Variants in PNKD observed in about 807,000 individuals in gnomAD.
The protein encoded by PNKD is PNKD metallo-beta-lactamase domain containing.
PNKD carries 36 observed loss-of-function variants against 45.3 expected under a neutral mutation model. That is an observed-to-expected ratio of 0.80 (90% CI 0.61 to 1.05). The LOEUF is 1.05. Ranked by LOEUF, PNKD falls within the 50% of genes least tolerant of loss-of-function variation. PNKD has a pLI of 0.00. For missense variants in PNKD, 511 were observed against 506.6 expected (o/e 1.01, Z -0.08); for synonymous variants, 197 against 210.1 (o/e 0.94, Z 0.54).
intron 2 of PNKD, among the ~76,000 whole-genome samples, chr2:218,296,270 C>G (rs1422819631): frequency 6.6e-6 from 1 of 152,150 alleles, no homozygotes; most frequent in Admixed American, 6.5e-5. Flanking sequence ...TTGTATTTTT[C>G]CAGCAACACT....
intron 2 of PNKD, among the ~76,000 whole-genome samples, chr2:218,325,228 G>A (rs374581936): frequency 8.8e-4 from 71 of 80,636 alleles, no homozygotes; most frequent in African/African-American, 2.8e-3. Flanking sequence ...TTTTTGAGAC[G>A]GGCTCTTGCT....
intron 2 of PNKD, among the ~76,000 whole-genome samples, chr2:218,330,428 G>A (rs563237457): frequency 6.6e-5 from 10 of 152,282 alleles, no homozygotes; most frequent in Admixed American, 2.6e-4. Flanking sequence ...TGCCTCCCAC[G>A]GGGCTGGAGG....
At chr2:218,297,815 T>C (rs1693181817) in intron 2 of PNKD, among the ~76,000 whole-genome samples, 1 of 149,376 alleles carries the variant, frequency 6.7e-6, no homozygotes, top group Non-Finnish European at 1.5e-5. Context: ...CTGGCTAACA[T>C]AGTGAAACCC....
intron 2 of PNKD, among the ~76,000 whole-genome samples, chr2:218,314,225 T>A (rs1279820070): frequency 4.6e-5 from 6 of 131,062 alleles, no homozygotes; most frequent in African/African-American, 1.8e-4. Context: ...GCCCTGGCTT[T>A]TTTTTTTTTT....
chr2:218,315,038 T>TTTC (rs1693748866), intron 2 of PNKD, among the ~76,000 whole-genome samples: 1 of 49,468 alleles, frequency 2.0e-5, no homozygotes, highest in African/African-American at 4.5e-5. Flanking sequence ...CTTTCTTTCT[T>TTTC]TTTCTTTCTT....
At position 218,291,595 on chromosome 2, in the gene PNKD, A is replaced by G. The variant is rs1044271188; in HGVS notation, c.236+20046A>G. ...GGGTACCACGTAGAGGCCACAGAGG[A>G]GGGAGAGGAGATGGAGACCCCATAG... On this transcript the variant is annotated intron_variant, in intron 2 of 9. Coordinates refer to ENST00000273077, the MANE Select transcript of PNKD (RefSeq NM_015488.5). Among the ~76,000 whole-genome samples, 5 of 152,068 alleles carry G rather than the reference A, an allele frequency of 3.3e-5. No individual in the cohort carries two copies. In the South Asian group the frequency reaches 6.2e-4, roughly 19 times the overall value.
In PNKD at chr2:218,318,698, G is replaced by A. The variant is rs190182024; in HGVS notation, c.237-21085G>A. On this transcript the variant is annotated intron_variant, in intron 2 of 9. Coordinates refer to ENST00000273077, the MANE Select transcript of PNKD (RefSeq NM_015488.5). Reference sequence around the variant, plus strand: ...TATTCACACCACTGGGAATACAGTGGTGCCAACACAGGTCCCTCCCTGACT... The same window carrying A: ...TATTCACACCACTGGGAATACAGTGATGCCAACACAGGTCCCTCCCTGACT... 2.0e-5 allele frequency among the ~76,000 whole-genome samples: 3 copies of A among 152,298 alleles called. No homozygotes were observed. In the East Asian group the frequency reaches 5.8e-4, roughly 29 times the overall value.
At chr2:218,338,129 G>A (rs1028425517) in intron 2 of PNKD, among the ~76,000 whole-genome samples, 1 of 149,066 alleles carries the variant, frequency 6.7e-6, no homozygotes, top group Non-Finnish European at 1.5e-5. Flanking sequence ...CCTGACGACA[G>A]AGTGAGACTC....
intron 2 of PNKD, among the ~76,000 whole-genome samples, chr2:218,292,227 TC>T (rs1459048395): frequency 6.6e-6 from 1 of 152,108 alleles, no homozygotes; most frequent in Non-Finnish European, 1.5e-5. Flanking sequence ...GCTGCTGGGC[TC>T]CCAAGGCTAA....
intron 2 of PNKD, among the ~76,000 whole-genome samples, chr2:218,317,332 C>T (rs1277615299): frequency 1.3e-5 from 2 of 152,158 alleles, no homozygotes; most frequent in Non-Finnish European, 2.9e-5. Flanking sequence ...TGAGTGGTTC[C>T]TAGGCTCCCT....
intron 2 of PNKD, among the ~76,000 whole-genome samples, chr2:218,338,460 CAA>C (rs200743728): frequency 3.2e-4 from 32 of 100,686 alleles, no homozygotes; most frequent in Admixed American, 2.1e-4. Context: ...GACTCTGTCT[CAA>C]AAAAAAAAAA....
chr2:218,329,875 CTG>C (rs775224917), intron 2 of PNKD, among the ~76,000 whole-genome samples: 55 of 152,364 alleles, frequency 3.6e-4, no homozygotes, highest in African/African-American at 1.1e-3. Context: ...CCATAGAACA[CTG>C]TGTCCTGGTG....
chr2:218,321,126 G>GCTTGAGCA (rs11282781), intron 2 of PNKD, among the ~76,000 whole-genome samples: 89,214 of 151,222 alleles, frequency 0.59, 26,677 homozygotes, highest in South Asian at 0.67. Flanking sequence ...ACAAGCTCAT[G>GCTTGAGCA]CTTGAGCATG....
At chr2:218,271,323 C>A in intron 1 of PNKD, 58 bp from the exon 2 acceptor site, 2 of 1,497,882 alleles carry the variant, frequency 1.3e-6, no homozygotes, top group Non-Finnish European at 1.9e-6. Context: ...TGCCCCCCAC[C>A]TCCCCGCTTG....
At chr2:218,332,355 G>A (rs1028542347) in intron 2 of PNKD, among the ~76,000 whole-genome samples, 105 of 152,260 alleles carry the variant, frequency 6.9e-4, no homozygotes, top group African/African-American at 2.2e-3. Flanking sequence ...CGAGGACAGG[G>A]GGCCTTTCCC....
At chr2:218,315,057 T>TCTTCCTTCCTTC (rs1393170995) in intron 2 of PNKD, among the ~76,000 whole-genome samples, 18 of 55,640 alleles carry the variant, frequency 3.2e-4, no homozygotes, top group African/African-American at 8.4e-4. Context: ...TTTCTTTCTT[T>TCTTCCTTCCTTC]CTTCCTTCCT....
At chr2:218,273,245 G>A (rs1690924355) in intron 2 of PNKD, among the ~76,000 whole-genome samples, 2 of 151,090 alleles carry the variant, frequency 1.3e-5, no homozygotes. Context: ...TCGACTCTGG[G>A]CCTCAGTTTC....
chr2:218,299,562 A>G (rs959227699), intron 2 of PNKD, among the ~76,000 whole-genome samples: 1 of 151,950 alleles, frequency 6.6e-6, no homozygotes, highest in Non-Finnish European at 1.5e-5. Flanking sequence ...CTCCCACCTC[A>G]GCCTCCCAAG....
intron 2 of PNKD, among the ~76,000 whole-genome samples, chr2:218,292,880 CCTT>C (rs1574670027): frequency 6.6e-6 from 1 of 152,084 alleles, no homozygotes; most frequent in African/African-American, 2.4e-5. Context: ...TGTTTACTGC[CCTT>C]CTTTTTACTG....
Sources: gnomAD v4.1 joint callset for allele counts (sites outside exome capture counted in the v4.1 genomes callset) on GRCh38, gnomAD v4.1.1 for gene constraint, MANE v1.5 for transcripts, NCBI Gene and HGNC (gene_info 2026-07-23, HGNC 2026-07-21) for gene names.